The following ASB1 variants were observed in gnomAD, a reference collection of about 807,000 sequenced individuals.
The protein encoded by ASB1 is ankyrin repeat and SOCS box protein 1.
Under a neutral mutation model 27.7 loss-of-function variants are expected in ASB1, and 18 were observed. The ratio of observed to expected loss-of-function variants is 0.65; its 90% CI spans 0.45 to 0.96. The LOEUF is 0.96. Ranked by LOEUF, ASB1 falls within the 50% of genes least tolerant of loss-of-function variation. The pLI is 0.00. For synonymous variants in ASB1, 189 were observed against 187.6 expected (o/e 1.01, Z -0.06); for missense variants, 397 against 451.7 (o/e 0.88, Z 1.10).
chr2:238,433,374 C>A, intron 1 of ASB1, 180 bp from the exon 2 acceptor site: 1 of 666,630 alleles, frequency 1.5e-6, no homozygotes, highest in Non-Finnish European at 2.5e-6. Flanking sequence ...GATCCTGCCT[C>A]AGCCTCCTGA....
At chr2:238,431,949 GAC>G (rs779478196) in intron 1 of ASB1, among the ~76,000 whole-genome samples, 1 of 152,186 alleles carries the variant, frequency 6.6e-6, no homozygotes, top group Non-Finnish European at 1.5e-5. Context: ...TGACCCAGAA[GAC>G]ACAAAATGGA....
rs183904289 is a variant in ASB1, at chr2:238,449,258, C to T, written c.*2747C>T. 41 of 152,322 alleles carry T rather than the reference C, an allele frequency of 2.7e-4. No individual in the cohort carries two copies. The highest frequency in any genetic ancestry group is 9.6e-4 in the African/African-American group (40 of 41,552). 9.4% of individuals were successfully genotyped at this position (152,322 alleles called of 1,614,324 possible). A position where few individuals can be genotyped will look rare whatever the true frequency, so the allele number is the denominator to read the frequency against. On this transcript the variant is annotated 3_prime_UTR_variant, in exon 5 of 5. Transcript: ENST00000264607. ...ACAGAATAGGAAGAGTAGCACTTTCCGCCTAAGCACTTTAGGAAATCACCT... is the reference window on the plus strand; with the variant it reads ...ACAGAATAGGAAGAGTAGCACTTTCTGCCTAAGCACTTTAGGAAATCACCT...
Position 238,435,955 on chromosome 2 carries a change from A to G in ASB1, c.436A>G (p.Thr146Ala). 1 of 1,613,802 alleles carries G rather than the reference A, an allele frequency of 6.2e-7. No homozygotes were observed. The highest frequency in any genetic ancestry group is 8.5e-7 in the Non-Finnish European group (1 of 1,179,980). ...DPNGSRHHRS[T>A]PVYHASRVGR... ...CAACGGAAGCCGGCACCATCGCAGC[A>G]CCCCTGTCTACCACGCCTCTCGCGT... is the stretch of plus-strand genomic sequence containing the variant. Residue 146 changes from threonine (T) to alanine (A), a missense_variant, in exon 3 of 5, where the codon ACC becomes GCC. Coordinates refer to ENST00000264607, the MANE Select transcript of ASB1 (RefSeq NM_001040445.3).
At chr2:238,427,320 CT>C in intron 1 of ASB1, 1 of 382,778 alleles carries the variant, frequency 2.6e-6, no homozygotes, top group African/African-American at 2.1e-5. Context: ...GCGCTGCCCT[CT>C]CCTCGGCCTC....
chr2:238,438,516 C>T (rs762998879), intron 3 of ASB1, among the ~76,000 whole-genome samples: 5 of 152,136 alleles, frequency 3.3e-5, no homozygotes, highest in Non-Finnish European at 5.9e-5. Context: ...GCCCTTCTTG[C>T]GAAAACGTTA....
intron 1 of ASB1, among the ~76,000 whole-genome samples, chr2:238,429,693 G>T (rs1410894120): frequency 4.6e-5 from 7 of 152,168 alleles, no homozygotes; most frequent in Non-Finnish European, 8.8e-5. Flanking sequence ...AGCACTTTGG[G>T]AGGCCGAGGC....
At chr2:238,432,430 A>G (rs748381102) in intron 1 of ASB1, among the ~76,000 whole-genome samples, 98 of 151,264 alleles carry the variant, frequency 6.5e-4, no homozygotes, top group Non-Finnish European at 1.2e-3. Context: ...ATTTATATTT[A>G]TGTACATGTG....
In ASB1 at chr2:238,426,982, C is replaced by T. The variant is rs564228023; in HGVS notation, c.-89C>T. 8.2e-6 allele frequency: 9 copies of T among 1,096,462 alleles called. No homozygotes were observed. In the South Asian group the frequency reaches 2.2e-4, roughly 27 times the overall value. 67.9% of individuals were successfully genotyped at this position (1,096,462 alleles called of 1,614,324 possible). A position where few individuals can be genotyped will look rare whatever the true frequency, so the allele number is the denominator to read the frequency against. ...GCGACCCCGACGCGCCCCCCATTGC[C>T]CTCGGCGCCGGAAGTGGTCGCGGGT... On this transcript the variant is annotated 5_prime_UTR_variant, in exon 1 of 5. Coordinates refer to ENST00000264607, the MANE Select transcript of ASB1 (RefSeq NM_001040445.3).
chr2:238,440,384 C>T (rs1233089323), intron 3 of ASB1, among the ~76,000 whole-genome samples: 1 of 152,210 alleles, frequency 6.6e-6, no homozygotes, highest in African/African-American at 2.4e-5. Context: ...ACCTTTAATC[C>T]AGGCTCATGC....
chr2:238,432,205 C>G (rs1372995084), intron 1 of ASB1, among the ~76,000 whole-genome samples: 1 of 152,094 alleles, frequency 6.6e-6, no homozygotes, highest in African/African-American at 2.4e-5. Context: ...TGTACACTTA[C>G]TAAAAACCAA....
intron 4 of ASB1, 103 bp downstream of exon 4, chr2:238,444,830 C>G: frequency 7.6e-7 from 1 of 1,311,042 alleles, no homozygotes; most frequent in Non-Finnish European, 1.0e-6. Context: ...AGCACTTGGC[C>G]AAAATCTTCA....
chr2:238,442,502 C>T (rs72987319), intron 3 of ASB1, among the ~76,000 whole-genome samples: 12,220 of 152,216 alleles, frequency 0.08, 676 homozygotes, highest in Non-Finnish European at 0.12. Flanking sequence ...TAACCTTTTC[C>T]CCCAATTTTT....
Position 238,450,516 on chromosome 2 carries a change from G to A in ASB1, c.*4005G>A, listed in dbSNP as rs1015416992. Reference sequence around the variant, plus strand: ...CCTGTCTCTGAAATCCCAAAGTCACGGAACCGCAGTCTAGCTGTGGTGCAT... The same window carrying A: ...CCTGTCTCTGAAATCCCAAAGTCACAGAACCGCAGTCTAGCTGTGGTGCAT... On this transcript the variant is annotated 3_prime_UTR_variant, in exon 5 of 5. Transcript: ENST00000264607. 2 of 152,234 alleles carry A rather than the reference G, an allele frequency of 1.3e-5. No individual in the cohort carries two copies. Among genetic ancestry groups the A allele is most frequent in the Non-Finnish European group, 2.9e-5 (2 of 68,038 alleles). The allele number at this position is 152,234 out of a possible 1,614,324, so 9.4% of individuals were successfully genotyped here.
intron 1 of ASB1, among the ~76,000 whole-genome samples, chr2:238,430,911 G>C (rs186449775): frequency 6.6e-6 from 1 of 152,350 alleles, no homozygotes; most frequent in East Asian, 1.9e-4. Flanking sequence ...ACCATGCTGT[G>C]AACAGATGTG....
At chr2:238,432,981 C>T (rs569367303) in intron 1 of ASB1, among the ~76,000 whole-genome samples, 28 of 152,236 alleles carry the variant, frequency 1.8e-4, no homozygotes, top group African/African-American at 6.3e-4. Context: ...CTCTTGACCT[C>T]GTGATCTGCC....
rs1702218837 is a variant in ASB1, at chr2:238,448,364, G to A, written c.*1853G>A. The A allele has an allele frequency of 6.6e-6, 1 of 152,396 alleles. No individual in the cohort carries two copies. The allele number at this position is 152,396 out of a possible 1,614,324, so 9.4% of individuals were successfully genotyped here. ...AAGTTGGAGCCACCACCGTGGACTG[G>A]GCCTTGTCACTGGAGGTCGTAGGCA... On this transcript the variant is annotated 3_prime_UTR_variant, in exon 5 of 5. Coordinates refer to ENST00000264607, the MANE Select transcript of ASB1 (RefSeq NM_001040445.3).
chr2:238,438,421 T>G (rs529834481), intron 3 of ASB1, among the ~76,000 whole-genome samples: 1 of 151,908 alleles, frequency 6.6e-6, no homozygotes, highest in Non-Finnish European at 1.5e-5. Flanking sequence ...AGGATGGTCT[T>G]GATCTCCTGA....
chr2:238,432,657 A>G (rs948908620), intron 1 of ASB1, among the ~76,000 whole-genome samples: 1 of 152,250 alleles, frequency 6.6e-6, no homozygotes, highest in Non-Finnish European at 1.5e-5. Context: ...ATAGTTGCCC[A>G]GTATTAAGAT....
intron 3 of ASB1, among the ~76,000 whole-genome samples, chr2:238,438,113 C>G (rs979557797): frequency 2.0e-5 from 3 of 151,490 alleles, no homozygotes; most frequent in African/African-American, 7.3e-5. Context: ...CCAGAAAGCC[C>G]TTTGGGTATT....
Sources: allele counts gnomAD v4.1 joint callset (sites outside exome capture counted in the v4.1 genomes callset), GRCh38; gene constraint gnomAD v4.1.1; transcripts MANE v1.5; gene names NCBI Gene and HGNC (gene_info 2026-07-23, HGNC 2026-07-21).